EML3: variants seen among roughly 807,000 people sequenced by gnomAD.
EML3 encodes the protein EMAP like 3, also known as echinoderm microtubule-associated protein-like 3.
EML3 carries 53 observed loss-of-function variants against 106.7 expected under a neutral mutation model. That is an observed-to-expected ratio of 0.50 (90% CI 0.40 to 0.62). EML3 has a LOEUF of 0.62. Among genes scored for constraint, EML3 ranks in the 20% least tolerant of loss-of-function variants. EML3 has a pLI of 0.00. For synonymous variants in EML3, 499 were observed against 489.6 expected (o/e 1.02, Z -0.25); for missense variants, 994 against 1,209.1 (o/e 0.82, Z 2.64).
chr11:62,608,571 C>G lies in EML3; in HGVS notation c.1081G>C (p.Gly361Arg), dbSNP rs752853389. 1.2e-6 allele frequency: 2 copies of G among 1,613,972 alleles called. No individual in the cohort carries two copies. The highest frequency in any genetic ancestry group is 2.7e-5 in the African/African-American group (2 of 74,916). Reference protein sequence around the residue: ...QEIGLGAFERGVGALAFSAAD... With the variant: ...QEIGLGAFERRVGALAFSAAD... ...GCTGAAAAGGCCAGGGCCCCAACAC[C>G]CCGCTCGAAGGCCCCCAGTCCAATC... Residue 361 changes from glycine (G) to arginine (R), a missense_variant, in exon 9 of 22, where the codon GGT (glycine) becomes CGT (arginine). Gly to Arg is a moderately radical substitution (Grantham distance 125, BLOSUM62 -2). This residue lies in a region of EML3 where 713 missense variants were observed against 920.5 expected (regional missense o/e 0.77). Coordinates refer to ENST00000394773, the MANE Select transcript of EML3 (RefSeq NM_153265.3).
At position 62,605,246 on chromosome 11, in the gene EML3, T is replaced by C; in HGVS notation, c.1915-66A>G. The C allele has an allele frequency of 1.3e-6, 2 of 1,534,658 alleles. No homozygotes were observed. Among genetic ancestry groups the C allele is most frequent in the Non-Finnish European group, 1.8e-6 (2 of 1,125,860 alleles). On this transcript the variant is annotated intron_variant, in intron 15 of 21. Coordinates refer to ENST00000394773, the MANE Select transcript of EML3 (RefSeq NM_153265.3). This position sits in a 1 kb window ranked among gnomAD's most constrained non-coding sequence, Gnocchi z 5.2. ...TAGTGAGGGAACCAGAGTGAACCCC[T>C]TGTCCTCCTAACTTCAAAGCCACTT...
chr11:62,602,563 C>T lies in EML3; in HGVS notation c.2603G>A (p.Arg868Gln). 1 of 1,520,618 alleles carries T rather than the reference C, an allele frequency of 6.6e-7. No individual in the cohort carries two copies. Among genetic ancestry groups the T allele is most frequent in the Non-Finnish European group, 8.8e-7 (1 of 1,134,148 alleles). 94.2% of individuals were successfully genotyped at this position (1,520,618 alleles called of 1,614,324 possible). The change falls in exon 22 of 22, where the codon CGA (arginine) becomes CAA (glutamine). Residue 868 changes from arginine (R) to glutamine (Q), a missense_variant. Physicochemically the swap from Arg to Gln is conservative, Grantham distance 43 (BLOSUM62 1). Transcript: ENST00000394773. ...GGKDASIFQW[R>Q]VLGAGGAGPA... is the part of the protein sequence containing the mutation. ...CCCCGCGCCCCCAGCGCCCAGCACT[C>T]GCCACTGGAAGATGCTGGCGTCCTT... is the stretch of plus-strand genomic sequence containing the variant.
rs376898284 is a variant in EML3, at chr11:62,604,180, C to T, written c.2004G>A (p.Glu668=). ...TGACATCAGACACGATCTCTCTGGT[C>T]TCTGTGTCCAAAACCAACCACCTGG... ...NTGRWLVLDT[E]TREIVSDVID... Residue 668 remains glutamate, a synonymous_variant, in exon 17 of 22, where the codon GAG becomes GAA. Coordinates refer to ENST00000394773, the MANE Select transcript of EML3 (RefSeq NM_153265.3). 1.9e-6 allele frequency: 3 copies of T among 1,613,756 alleles called. No homozygotes were observed. The highest frequency in any genetic ancestry group is 2.5e-6 in the Non-Finnish European group (3 of 1,179,996).
Position 62,611,494 on chromosome 11 carries a change from C to G in EML3, c.125G>C (p.Arg42Pro), listed in dbSNP as rs757673582. Residue 42 changes from arginine (R) to proline (P), a missense_variant, in exon 2 of 22, where the codon CGC (arginine) becomes CCC (proline). Around this residue, in one of 3 missense-constraint regions of EML3, gnomAD observed 269 missense variants for 265.1 expected, o/e 1.01. Coordinates refer to ENST00000394773, the MANE Select transcript of EML3 (RefSeq NM_153265.3). ...LVKAALAEALRLLRLQVPPSS... is the reference protein window; with the variant it reads ...LVKAALAEALPLLRLQVPPSS... ...AGGGGGCACCTGCAGCCGCAGCAGG[C>G]GAAGGGCTTCTGCCAGGGCTGCCTT... is the stretch of plus-strand genomic sequence containing the variant. 1.2e-6 allele frequency: 2 copies of G among 1,613,738 alleles called. No individual in the cohort carries two copies. Among genetic ancestry groups the G allele is most frequent in the Non-Finnish European group, 1.7e-6 (2 of 1,179,938 alleles).
chr11:62,608,832 G>A (rs1244551246), intron 7 of EML3, 27 bp from the exon 8 acceptor site: 2 of 1,565,168 alleles, frequency 1.3e-6, no homozygotes, highest in Non-Finnish European at 1.7e-6. Context: ...ACACTCTAGG[G>A]AAAGGGTCTC....
rs1161601458 is a variant in EML3 at position 62,605,019 on chromosome 11, G to C, written c.1982+94C>G. On this transcript the variant is annotated intron_variant, in intron 16 of 21. Transcript: ENST00000394773. The surrounding 1 kb of genome is among the most constrained non-coding windows in gnomAD (Gnocchi z 5.2). ...AGTGCCAAGGCGCAGGTGGCTCCTG[G>C]GTAGAGGTGGTCACTCTCGCCCACT... 1.5e-6 allele frequency: 2 copies of C among 1,319,088 alleles called. No individual in the cohort carries two copies. Among genetic ancestry groups the C allele is most frequent in the Non-Finnish European group, 2.1e-6 (2 of 969,716 alleles). The allele number at this position is 1,319,088 out of a possible 1,614,324, so 81.7% of individuals were successfully genotyped here. A position where few individuals can be genotyped will look rare whatever the true frequency, so the allele number is the denominator to read the frequency against.
chr11:62,606,057 C>A lies in EML3; in HGVS notation c.1656+6G>T, dbSNP rs1438386036. The A allele has an allele frequency of 6.2e-7, 1 of 1,613,926 alleles. No individual in the cohort carries two copies. The highest frequency in any genetic ancestry group is 1.7e-5 in the Admixed American group (1 of 60,018). Reference sequence around the variant, plus strand: ...CTCACTCCCTTGACCCCAGCCCAGCCCTCACCTCAGCCTCCTGGAGGGCCA... The same window carrying A: ...CTCACTCCCTTGACCCCAGCCCAGCACTCACCTCAGCCTCCTGGAGGGCCA... On this transcript the variant is annotated splice_donor_region_variant and intron_variant, in intron 13 of 21. Transcript: ENST00000394773.
Position 62,607,553 on chromosome 11 carries a change from AAAG to A in EML3, c.1362+110_1362+112del, listed in dbSNP as rs879287216. On this transcript the variant is annotated intron_variant, in intron 11 of 21. Coordinates refer to ENST00000394773, the MANE Select transcript of EML3 (RefSeq NM_153265.3). ...ACTCCGTCTCAAAAGAAAAAAAAAA[AAAG>A]GTCACAGGGGCAGGTGGGGGTTAGG... 3.1e-6 allele frequency: 4 copies of A among 1,300,094 alleles called. No individual in the cohort carries two copies. In the South Asian group the frequency reaches 6.5e-5, roughly 21 times the overall value. The allele number at this position is 1,300,094 out of a possible 1,614,324, so 80.5% of individuals were successfully genotyped here.
chr11:62,609,542 C>A, intron 5 of EML3, 65 bp from the exon 6 acceptor site: 3 of 1,551,484 alleles, frequency 1.9e-6, no homozygotes, highest in Non-Finnish European at 2.6e-6. Flanking sequence ...ACCCTACCCA[C>A]CACACCTACC....
rs753474796 is a variant in EML3 at position 62,607,712 on chromosome 11, C to T, written c.1316G>A (p.Gly439Glu). The T allele has an allele frequency of 3.7e-6, 6 of 1,613,912 alleles. No homozygotes were observed. The African/African-American group carries it at 6.7e-5, about 18-fold the overall frequency. Residue 439 changes from glycine to glutamate, a missense_variant, in exon 11 of 22, where the codon GGG becomes GAG. Gly to Glu is a moderately conservative substitution (Grantham distance 98). Coordinates refer to ENST00000394773, the MANE Select transcript of EML3 (RefSeq NM_153265.3). ...VHFWNWSGGV[G>E]VPGNGTLTRK... Reference sequence around the variant, plus strand: ...GGTAAGGGTCCCATTCCCAGGAACCCCTACTCCACCACTCCAATTCCAGAA... The same window carrying T: ...GGTAAGGGTCCCATTCCCAGGAACCTCTACTCCACCACTCCAATTCCAGAA...
At chr11:62,612,117 A>G (rs1942861359) in intron 1 of EML3, 2 of 471,140 alleles carry the variant, frequency 4.2e-6, no homozygotes, top group African/African-American at 4.2e-5. Flanking sequence ...AGTCACAGTG[A>G]AGGTCTCAGG....
intron 19 of EML3, 58 bp from the exon 20 acceptor site, chr11:62,603,305 C>A (rs1942339982): frequency 1.3e-6 from 2 of 1,496,156 alleles, no homozygotes; most frequent in African/African-American, 1.4e-5. Context: ...AGGGAAGATG[C>A]CAGGGAAAGC....
At position 62,608,569 on chromosome 11, in the gene EML3, A is replaced by G; in HGVS notation, c.1083T>C (p.Gly361=). 1.9e-6 allele frequency: 3 copies of G among 1,613,862 alleles called. No individual in the cohort carries two copies. Among genetic ancestry groups the G allele is most frequent in the East Asian group, 2.2e-5 (1 of 44,872 alleles). ...QEIGLGAFER[G]VGALAFSAAD... is the part of the protein sequence containing the mutation. ...CAGCTGAAAAGGCCAGGGCCCCAAC[A>G]CCCCGCTCGAAGGCCCCCAGTCCAA... Residue 361 remains glycine, a synonymous_variant, in exon 9 of 22, where the codon GGT becomes GGC. Coordinates refer to ENST00000394773, the MANE Select transcript of EML3 (RefSeq NM_153265.3).
chr11:62,603,345 C>T, intron 19 of EML3, 98 bp from the exon 20 acceptor site: 3 of 1,148,404 alleles, frequency 2.6e-6, no homozygotes, highest in Non-Finnish European at 2.6e-6. Flanking sequence ...TGAAACCCGG[C>T]GATGGCATGT....
chr11:62,606,528 G>T (rs1942528239), intron 12 of EML3: 1 of 406,274 alleles, frequency 2.5e-6, no homozygotes, highest in Non-Finnish European at 4.5e-6. Context: ...TTCTAGACTA[G>T]CCCCCAAGAG....
intron 19 of EML3, 91 bp downstream of exon 19, chr11:62,603,638 C>T: frequency 7.1e-6 from 8 of 1,128,986 alleles, no homozygotes; most frequent in Non-Finnish European, 1.0e-5. Flanking sequence ...CCCATCTCCA[C>T]TTCCTTATCT....
At position 62,609,670 on chromosome 11, in the gene EML3, C is replaced by T. The variant is rs757818942; in HGVS notation, c.593G>A (p.Ser198Asn). The T allele has an allele frequency of 3.1e-6, 5 of 1,606,280 alleles. No individual in the cohort carries two copies. The highest frequency in any genetic ancestry group is 3.4e-6 in the Non-Finnish European group (4 of 1,176,492). The change falls in exon 5 of 22, where the codon AGC (serine) becomes AAC (asparagine). Residue 198 changes from serine (S) to asparagine (N), a missense_variant. Physicochemically the swap from Ser to Asn is conservative, Grantham distance 46 (BLOSUM62 1). Transcript: ENST00000394773. Reference protein sequence around the residue: ...ESRGGKDPLSSPGGPGSRRSN... With the variant: ...ESRGGKDPLSNPGGPGSRRSN... The stretch of plus-strand genomic sequence containing the variant: ...CCTCCGAGATCCAGGGCCCCCAGGG[C>T]TGGAGAGGGGGTCTTTTCCCCCACG...
intron 10 of EML3, 77 bp downstream of exon 10, chr11:62,608,124 G>C: frequency 1.2e-5 from 17 of 1,369,014 alleles, no homozygotes; most frequent in Non-Finnish European, 1.8e-5. Flanking sequence ...AAATGTATGG[G>C]TGAGTCTGGA....
chr11:62,604,237 GA>G (rs1565054274), intron 16 of EML3, 36 bp from the exon 17 acceptor site: 2 of 1,604,722 alleles, frequency 1.2e-6, no homozygotes, highest in African/African-American at 1.3e-5. Context: ...ATAGGAAGAC[GA>G]AAAGGCAGGA....
Sources: allele counts gnomAD v4.1 joint callset, GRCh38; gene constraint gnomAD v4.1.1; regional missense constraint gnomAD v4.1.1; non-coding constraint Gnocchi (gnomAD v3.1); transcripts MANE v1.5; gene names NCBI Gene and HGNC (gene_info 2026-07-23, HGNC 2026-07-21).